Variants in KHSRP observed in about 807,000 individuals in gnomAD.
The protein encoded by KHSRP is KH-type splicing regulatory protein, also known as far upstream element-binding protein 2.
Under a neutral mutation model 94.9 loss-of-function variants are expected in KHSRP, and 13 were observed. The observed-to-expected ratio is 0.14, with a 90% confidence interval of 0.09 to 0.22. The LOEUF (loss-of-function observed/expected upper bound fraction) is 0.22, where lower values mean the gene tolerates loss of function less well. Ranked by LOEUF, KHSRP falls within the 10% of genes least tolerant of loss-of-function variation. The probability of loss-of-function intolerance (pLI) is 1.00; values close to 1 mark genes in which losing one functional copy is unlikely to be tolerated. For synonymous variants in KHSRP, 495 were observed against 401.4 expected (o/e 1.23, Z -2.79); for missense variants, 710 against 1,010.0 (o/e 0.70, Z 4.03).
chr19:6,414,211 TGG>T lies in KHSRP; in HGVS notation c.*811_*812del. On this transcript the variant is annotated 3_prime_UTR_variant, in exon 19 of 19. Transcript: ENST00000600480. ...GAAGAGAGGAGGGGCTGGAACACCGTGGGGGGGGCCAGGAAGCCCCCTCCCAA... is the reference window on the plus strand; with the variant it reads ...GAAGAGAGGAGGGGCTGGAACACCGTGGGGGGCCAGGAAGCCCCCTCCCAA... 7.2e-7 allele frequency: 1 copy of T among 1,394,148 alleles called. No individual in the cohort carries two copies. The highest frequency in any genetic ancestry group is 9.4e-7 in the Non-Finnish European group (1 of 1,058,550). The allele number at this position is 1,394,148 out of a possible 1,614,324, so 86.4% of individuals were successfully genotyped here. A position where few individuals can be genotyped will look rare whatever the true frequency, so the allele number is the denominator to read the frequency against.
intron 6 of KHSRP, 92 bp from the exon 7 acceptor site, chr19:6,419,352 G>A: frequency 1.7e-6 from 2 of 1,169,080 alleles, no homozygotes; most frequent in Non-Finnish European, 2.4e-6. Flanking sequence ...AACAACCAAG[G>A]GCCACTTCTG....
chr19:6,424,774 G>T lies in KHSRP; in HGVS notation c.-73C>A. On this transcript the variant is annotated 5_prime_UTR_variant, in exon 1 of 19. Coordinates refer to ENST00000600480, the MANE Select transcript of KHSRP (RefSeq NM_001366299.1). ...GCGGCGGCGGCGGCGGCTCAACGCG[G>T]GAACAAGGCCTCGCTCCACACGGCC... 1 of 579,140 alleles carries T rather than the reference G, an allele frequency of 1.7e-6. No individual in the cohort carries two copies. The highest frequency in any genetic ancestry group is 2.2e-6 in the Non-Finnish European group (1 of 451,292). The allele number at this position is 579,140 out of a possible 1,614,324, so 35.9% of individuals were successfully genotyped here. A position where few individuals can be genotyped will look rare whatever the true frequency, so the allele number is the denominator to read the frequency against.
Position 6,416,353 on chromosome 19 carries a change from TTGGGCCAGCAGGGCC to T in KHSRP, c.1528_1542del (p.Gly510_Pro514del), listed in dbSNP as rs750238676. Reference sequence around the variant, plus strand: ...AAGGGCCCAGGATTGAAGGGCCCCATTGGGCCAGCAGGGCCTGGGCCACCTGGGCCTGGTCCAACT... The same window carrying T: ...AAGGGCCCAGGATTGAAGGGCCCCATTGGGCCACCTGGGCCTGGTCCAACT... On this transcript the variant is annotated inframe_deletion, in exon 15 of 19. Transcript: ENST00000600480. The T allele has an allele frequency of 3.7e-6, 6 of 1,610,728 alleles. No homozygotes were observed. The highest frequency in any genetic ancestry group is 1.1e-5 in the South Asian group (1 of 90,878).
In KHSRP at chr19:6,421,675, G is replaced by A; in HGVS notation, c.360C>T (p.Ser120=). ...RQLEDGDQPE[S]KKLASQGDSI... ...AGTCTCCCTGGGAAGCCAGCTTCTTGCTCTCCGGTTGATCTGGGAAAGAGA... is the reference window on the plus strand; with the variant it reads ...AGTCTCCCTGGGAAGCCAGCTTCTTACTCTCCGGTTGATCTGGGAAAGAGA... The change falls in exon 3 of 19, where the codon AGC becomes AGT. Residue 120 remains serine (S), a synonymous_variant. Transcript: ENST00000600480. 3.1e-6 allele frequency: 5 copies of A among 1,613,910 alleles called. No homozygotes were observed. Among genetic ancestry groups the A allele is most frequent in the Non-Finnish European group, 2.5e-6 (3 of 1,179,888 alleles).
In KHSRP at chr19:6,415,534, C is replaced by T. The variant is rs1355376332; in HGVS notation, c.1888G>A (p.Gly630Ser). The T allele has an allele frequency of 5.2e-6, 8 of 1,542,588 alleles. No individual in the cohort carries two copies. Among genetic ancestry groups the T allele is most frequent in the East Asian group, 2.5e-5 (1 of 40,806 alleles). ...CCCCCCCGCCACCCTGCAGACTCAC[C>T]GATCTTTTTGTAATACTCTTCCCAG... ...KAWEEYYKKI[G>S]QQPQQPGAPP... Residue 630 changes from glycine (G) to serine (S), a missense_variant and splice_region_variant, in exon 17 of 19, where the codon GGC becomes AGC. Physicochemically the swap from Gly to Ser is moderately conservative, Grantham distance 56 (BLOSUM62 0). This residue lies in a region of KHSRP where 292 missense variants were observed against 340.5 expected (regional missense o/e 0.86). Coordinates refer to ENST00000600480, the MANE Select transcript of KHSRP (RefSeq NM_001366299.1).
rs1029455702 is a variant in KHSRP, at chr19:6,413,511, G to A, written c.*1513C>T. On this transcript the variant is annotated 3_prime_UTR_variant, in exon 19 of 19. Transcript: ENST00000600480. The stretch of plus-strand genomic sequence containing the variant: ...CCTGGGAGGGGGGACGGGCGGGGCC[G>A]CGGGAGCTGAGCCAGGGCGGGAGGG... The A allele has an allele frequency of 2.4e-5, 8 of 333,068 alleles. No individual in the cohort carries two copies. The highest frequency in any genetic ancestry group is 1.1e-4 in the African/African-American group (5 of 44,766). 20.6% of individuals were successfully genotyped at this position (333,068 alleles called of 1,614,324 possible).
intron 4 of KHSRP, among the ~76,000 whole-genome samples, chr19:6,420,816 C>A (rs1398503187): frequency 6.6e-6 from 1 of 152,176 alleles, no homozygotes; most frequent in Non-Finnish European, 1.5e-5. Flanking sequence ...TAAAAACAAA[C>A]AAACAAAAAA....
In KHSRP at chr19:6,418,916, C is replaced by T; in HGVS notation, c.606-40G>A. On this transcript the variant is annotated intron_variant, in intron 7 of 18. Transcript: ENST00000600480. The surrounding 1 kb of genome is among the most constrained non-coding windows in gnomAD (Gnocchi z 4.3). ...AGCGGGGGATGAGCGGGTGCCACCG[C>T]TGGAGAAAGGTACTGGTCTGGTGGC... 6.6e-7 allele frequency: 1 copy of T among 1,508,044 alleles called. No individual in the cohort carries two copies. The highest frequency in any genetic ancestry group is 8.8e-7 in the Non-Finnish European group (1 of 1,135,194). The allele number at this position is 1,508,044 out of a possible 1,614,324, so 93.4% of individuals were successfully genotyped here. A position where few individuals can be genotyped will look rare whatever the true frequency, so the allele number is the denominator to read the frequency against.
At position 6,413,984 on chromosome 19, in the gene KHSRP, G is replaced by GC; in HGVS notation, c.*1039dup. 1.1e-6 allele frequency: 1 copy of GC among 886,500 alleles called. No homozygotes were observed. Among genetic ancestry groups the GC allele is most frequent in the Non-Finnish European group, 1.6e-6 (1 of 636,648 alleles). The allele number at this position is 886,500 out of a possible 1,614,324, so 54.9% of individuals were successfully genotyped here. A position where few individuals can be genotyped will look rare whatever the true frequency, so the allele number is the denominator to read the frequency against. ...CCAAGTCCCCCCCACCCTGCTTGCC[G>GC]CGAGGGCTCCCCAGTACTCCCCACG... On this transcript the variant is annotated 3_prime_UTR_variant, in exon 19 of 19. Coordinates refer to ENST00000600480, the MANE Select transcript of KHSRP (RefSeq NM_001366299.1).
chr19:6,423,218 G>A (rs752258907), intron 1 of KHSRP, among the ~76,000 whole-genome samples: 1 of 152,202 alleles, frequency 6.6e-6, no homozygotes, highest in Non-Finnish European at 1.5e-5. Flanking sequence ...GGTGGAGGCT[G>A]TGGTGTGCTG....
chr19:6,416,454 T>C (rs1038465553), intron 14 of KHSRP, 36 bp downstream of exon 14: 2 of 1,612,666 alleles, frequency 1.2e-6, no homozygotes, highest in Admixed American at 3.3e-5. Flanking sequence ...GGATCCGGGC[T>C]GTGAGACCAA....
rs1424393384 is a variant in KHSRP, at chr19:6,416,754, C to T, written c.1311G>A (p.Gly437=). ...CACACTCACCTCGGCCGATGACCAGCCCACACTTGTGAGTGGGGATGGAGA... is the reference window on the plus strand; with the variant it reads ...CACACTCACCTCGGCCGATGACCAGTCCACACTTGTGAGTGGGGATGGAGA... ...MTFSIPTHKC[G]LVIGRGGENV... Residue 437 remains glycine, a synonymous_variant, in exon 13 of 19, where the codon GGG becomes GGA. Transcript: ENST00000600480. 1 of 1,597,650 alleles carries T rather than the reference C, an allele frequency of 6.3e-7. No homozygotes were observed. The highest frequency in any genetic ancestry group is 8.5e-7 in the Non-Finnish European group (1 of 1,170,708).
At chr19:6,419,352 G>T in intron 6 of KHSRP, 92 bp from the exon 7 acceptor site, 1 of 1,169,080 alleles carries the variant, frequency 8.6e-7, no homozygotes, top group Non-Finnish European at 1.2e-6. Flanking sequence ...AACAACCAAG[G>T]GCCACTTCTG....
chr19:6,420,387 A>C, intron 5 of KHSRP, 35 bp downstream of exon 5: 1 of 1,601,464 alleles, frequency 6.2e-7, no homozygotes, highest in Non-Finnish European at 8.6e-7. Context: ...CCTGGGGAAG[A>C]GTGGGCCTCC....
At chr19:6,419,303 G>C (rs774730336) in intron 6 of KHSRP, 43 bp from the exon 7 acceptor site, 2 of 1,515,976 alleles carry the variant, frequency 1.3e-6, no homozygotes, top group South Asian at 2.5e-5. Flanking sequence ...TGGCCCACAG[G>C]CAGAGAAAGG....
At position 6,416,873 on chromosome 19, in the gene KHSRP, G is replaced by A. The variant is rs769316462; in HGVS notation, c.1192C>T (p.Pro398Ser). 6 of 1,610,250 alleles carry A rather than the reference G, an allele frequency of 3.7e-6. No individual in the cohort carries two copies. In the African/African-American group the frequency reaches 5.3e-5, roughly 14 times the overall value. The change falls in exon 13 of 19, where the codon CCA (proline) becomes TCA (serine). Residue 398 changes from proline to serine, a missense_variant. Transcript: ENST00000600480. Reference sequence around the variant, plus strand: ...ATGCCTGGACCCCCTGGAGGACCTGGGGGACCACTCTGCAAGACAAGAGGA... The same window carrying A: ...ATGCCTGGACCCCCTGGAGGACCTGAGGGACCACTCTGCAAGACAAGAGGA... Reference protein sequence around the residue: ...DLLQSLRSGPPGPPGGPGMPP... With the variant: ...DLLQSLRSGPSGPPGGPGMPP...
chr19:6,415,988 C>T (rs964239965), intron 15 of KHSRP, 92 bp from the exon 16 acceptor site: 6 of 816,982 alleles, frequency 7.3e-6, no homozygotes, highest in Admixed American at 3.2e-5. Flanking sequence ...AGTGGGGAGG[C>T]GCCAGAGACC....
At chr19:6,419,082 G>A in intron 7 of KHSRP, 121 bp downstream of exon 7, 1 of 1,159,042 alleles carries the variant, frequency 8.6e-7, no homozygotes, top group East Asian at 2.6e-5. Context: ...ATGGCTGTCT[G>A]GAGATGGGGG....
rs948181316 is a variant in KHSRP, at chr19:6,422,418, C to T, written c.268G>A (p.Gly90Ser). 10 of 1,613,562 alleles carry T rather than the reference C, an allele frequency of 6.2e-6. No homozygotes were observed. The African/African-American group carries it at 8.0e-5, about 13-fold the overall frequency. ...RARQIAAKIG[G>S]DAATTVNNST... is the part of the protein sequence containing the mutation. The stretch of plus-strand genomic sequence containing the variant: ...TTATTCACTGTCGTGGCAGCATCGC[C>T]TCCAATTTTGGCTGCAATCTAGAAT... Residue 90 changes from glycine (G) to serine (S), a missense_variant, in exon 2 of 19, where the codon GGC becomes AGC. Physicochemically the swap from Gly to Ser is moderately conservative, Grantham distance 56 (BLOSUM62 0). This residue lies in a region of KHSRP where 288 missense variants were observed against 501.1 expected (regional missense o/e 0.57). Transcript: ENST00000600480.
Sources: gnomAD v4.1 joint callset for allele counts (sites outside exome capture counted in the v4.1 genomes callset) on GRCh38, gnomAD v4.1.1 for gene constraint, gnomAD v4.1.1 regional missense constraint, Gnocchi (gnomAD v3.1) non-coding constraint, MANE v1.5 for transcripts, NCBI Gene and HGNC (gene_info 2026-07-23, HGNC 2026-07-21) for gene names.